Variants in KAT7 observed in about 807,000 individuals in gnomAD.
KAT7 encodes lysine acetyltransferase 7, also known as histone acetyltransferase KAT7.
A neutral mutation model predicts 82.1 loss-of-function variants in KAT7; 10 were observed. The ratio of observed to expected loss-of-function variants is 0.12; its 90% confidence interval spans 0.08 to 0.21. The LOEUF (loss-of-function observed/expected upper bound fraction) is 0.21, where lower values mean the gene tolerates loss of function less well. KAT7 is among the 10% of genes least tolerant of loss of function. The probability of loss-of-function intolerance (pLI) is 1.00; values close to 1 mark genes in which losing one functional copy is unlikely to be tolerated. For synonymous variants in KAT7, 250 were observed against 262.5 expected (o/e 0.95, Z 0.46); for missense variants, 378 against 760.9 (o/e 0.50, Z 5.92).
chr17:49,812,684 G>T (rs559902885), intron 7 of KAT7, among the ~76,000 whole-genome samples: 1 of 152,136 alleles, frequency 6.6e-6, no homozygotes, highest in East Asian at 1.9e-4. Context: ...TTCTTTCACA[G>T]TCTTTTTCTT....
intron 12 of KAT7, among the ~76,000 whole-genome samples, chr17:49,824,180 G>C (rs7218829): frequency 0.036 from 5,458 of 152,216 alleles, 333 homozygotes; most frequent in African/African-American, 0.12. Context: ...TGTATTTCCC[G>C]TAGGAGTAGT....
intron 10 of KAT7, 44 bp downstream of exon 10, chr17:49,821,470 T>C (rs1286924550): frequency 6.4e-7 from 1 of 1,566,188 alleles, no homozygotes; most frequent in Admixed American, 1.7e-5. Flanking sequence ...TGTTGTATAT[T>C]CACAGGTTTC....
chr17:49,817,453 C>T (rs2074247999), intron 8 of KAT7, among the ~76,000 whole-genome samples: 1 of 152,148 alleles, frequency 6.6e-6, no homozygotes. Flanking sequence ...GTGGCATGCA[C>T]ACACACTTTT....
chr17:49,792,497 A>AT (rs2073903143), intron 2 of KAT7, among the ~76,000 whole-genome samples: 2 of 151,994 alleles, frequency 1.3e-5, no homozygotes, highest in South Asian at 4.2e-4. Flanking sequence ...AACTTTTAGA[A>AT]TTTTGAATTT....
At chr17:49,811,816 C>T (rs1215398905) in intron 7 of KAT7, among the ~76,000 whole-genome samples, 1 of 152,122 alleles carries the variant, frequency 6.6e-6, no homozygotes, top group Non-Finnish European at 1.5e-5. Context: ...AAATTTGATC[C>T]TCTAGTTGTT....
intron 4 of KAT7, among the ~76,000 whole-genome samples, chr17:49,802,766 C>T (rs1211002426): frequency 6.6e-6 from 1 of 152,128 alleles, no homozygotes; most frequent in East Asian, 1.9e-4. Flanking sequence ...CTCTCTGTCA[C>T]CTAGGCTGGA....
At chr17:49,806,133 A>G (rs2074089089) in intron 5 of KAT7, among the ~76,000 whole-genome samples, 1 of 152,234 alleles carries the variant, frequency 6.6e-6, no homozygotes, top group African/African-American at 2.4e-5. Flanking sequence ...AGTATTGGAC[A>G]GGTTATCTAA....
rs970962805 is a variant in KAT7 at position 49,820,264 on chromosome 17, A to G, written c.1156-1073A>G. Among the ~76,000 whole-genome samples the G allele has an allele frequency of 2.0e-5, 3 of 151,190 alleles. No individual in the cohort carries two copies. The East Asian group carries it at 5.8e-4, about 29-fold the overall frequency. ...ATCTCAAAAAAAAAAACTTTTTTTT[A>G]TACGTCTATACTTTTTAAACACTTT... On this transcript the variant is annotated intron_variant, in intron 9 of 14. Coordinates refer to ENST00000259021, the MANE Select transcript of KAT7 (RefSeq NM_007067.5).
chr17:49,829,758 C>T lies in KAT7; in HGVS notation c.*2256C>T, dbSNP rs939432221. 6 of 152,124 alleles carry T rather than the reference C, an allele frequency of 3.9e-5. No individual in the cohort carries two copies. The highest frequency in any genetic ancestry group is 9.7e-5 in the African/African-American group (4 of 41,412). The allele number at this position is 152,124 out of a possible 1,614,324, so 9.4% of individuals were successfully genotyped here. On this transcript the variant is annotated 3_prime_UTR_variant, in exon 15 of 15. Transcript: ENST00000259021. Reference sequence around the variant, plus strand: ...ACAGTCCTGATCCCAGGTCTCCACTCGCTTTGCCATCCCACTTTACTCCCT... The same window carrying T: ...ACAGTCCTGATCCCAGGTCTCCACTTGCTTTGCCATCCCACTTTACTCCCT...
Position 49,798,383 on chromosome 17 carries a change from T to C in KAT7, c.405T>C (p.Ser135=). 6.2e-7 allele frequency: 1 copy of C among 1,614,250 alleles called. No homozygotes were observed. ...GAACTCCAACTGGAAATGCGCCTTC[T>C]TCTGAGTCTGACATAGACATCTCCA... ...PPRTPTGNAP[S]SESDIDISSP... Residue 135 remains serine (S), a synonymous_variant, in exon 4 of 15, where the codon TCT becomes TCC. Transcript: ENST00000259021.
At chr17:49,815,522 G>A (rs2074223315) in intron 7 of KAT7, 1 of 277,690 alleles carries the variant, frequency 3.6e-6, no homozygotes, top group African/African-American at 2.2e-5. Context: ...AAGGAACAGC[G>A]TTCTGATCCA....
intron 9 of KAT7, 63 bp from the exon 10 acceptor site, chr17:49,821,274 C>G: frequency 7.9e-7 from 1 of 1,262,868 alleles, no homozygotes; most frequent in Non-Finnish European, 1.1e-6. Context: ...TTCCTTTTCC[C>G]TTTTGAGGAG....
chr17:49,809,227 C>CA lies in KAT7; in HGVS notation c.753+20dup. 2 of 1,590,842 alleles carry CA rather than the reference C, an allele frequency of 1.3e-6. No individual in the cohort carries two copies. Among genetic ancestry groups the CA allele is most frequent in the Non-Finnish European group, 1.7e-6 (2 of 1,159,080 alleles). ...GCACCAGGTATGGGCCTTGTTAAAG[C>CA]ACTGGCCATTCATAGTTTGAGGTCC... On this transcript the variant is annotated intron_variant, in intron 6 of 14. Transcript: ENST00000259021.
At chr17:49,792,678 A>G (rs923149007) in intron 2 of KAT7, among the ~76,000 whole-genome samples, 3 of 152,178 alleles carry the variant, frequency 2.0e-5, no homozygotes, top group African/African-American at 4.8e-5. Flanking sequence ...ATTATATGCA[A>G]TATTCAACAC....
chr17:49,809,860 A>G (rs2074139763), intron 6 of KAT7, among the ~76,000 whole-genome samples: 1 of 152,224 alleles, frequency 6.6e-6, no homozygotes, highest in African/African-American at 2.4e-5. Context: ...ATTCTCTCCC[A>G]CCGTTAAGGA....
chr17:49,797,035 G>GCCT, intron 3 of KAT7, 109 bp downstream of exon 3: 2 of 796,798 alleles, frequency 2.5e-6, no homozygotes, highest in African/African-American at 3.5e-5. Context: ...TCAGCTAGAT[G>GCCT]AATGCTGTTT....
intron 7 of KAT7, among the ~76,000 whole-genome samples, chr17:49,814,529 A>G (rs927629174): frequency 5.9e-5 from 9 of 152,214 alleles, no homozygotes; most frequent in Admixed American, 5.2e-4. Flanking sequence ...CATATTTTAT[A>G]TACAGGAAAA....
chr17:49,827,583 T>A lies in KAT7; in HGVS notation c.*81T>A. On this transcript the variant is annotated 3_prime_UTR_variant, in exon 15 of 15. Transcript: ENST00000259021. The stretch of plus-strand genomic sequence containing the variant: ...GATCTGTCTGTCATTTCTCTGTTGC[T>A]CTTGTGATTGGCAAGTACAGTATCC... 1 of 855,434 alleles carries A rather than the reference T, an allele frequency of 1.2e-6. No individual in the cohort carries two copies. The highest frequency in any genetic ancestry group is 2.0e-6 in the Non-Finnish European group (1 of 505,768). The allele number at this position is 855,434 out of a possible 1,614,324, so 53.0% of individuals were successfully genotyped here.
At chr17:49,800,156 C>T (rs1442660799) in intron 4 of KAT7, among the ~76,000 whole-genome samples, 4 of 151,940 alleles carry the variant, frequency 2.6e-5, no homozygotes, top group Admixed American at 1.3e-4. Flanking sequence ...GGACTACAGG[C>T]GCCTGCCACC....
Sources: gnomAD v4.1 joint callset for allele counts (sites outside exome capture counted in the v4.1 genomes callset) on GRCh38, gnomAD v4.1.1 for gene constraint, MANE v1.5 for transcripts, NCBI Gene and HGNC (gene_info 2026-07-23, HGNC 2026-07-21) for gene names.